The following PARD3 variants were observed in gnomAD, a reference collection of about 807,000 sequenced individuals.
PARD3 encodes partitioning defective 3 homolog.
In PARD3, 75 loss-of-function variants were observed where a neutral mutation model predicts 155.4. The ratio of observed to expected loss-of-function variants is 0.48; its 90% CI spans 0.40 to 0.58. PARD3 has a LOEUF of 0.58. PARD3 is among the 20% of genes least tolerant of loss of function. The pLI is 0.00. For synonymous variants in PARD3, 576 were observed against 610.5 expected (o/e 0.94, Z 0.83); for missense variants, 1,642 against 1,721.7 (o/e 0.95, Z 0.82).
chr10:34,154,692 G>C (rs938046231), intron 22 of PARD3, among the ~76,000 whole-genome samples: 3 of 151,994 alleles, frequency 2.0e-5, no homozygotes, highest in Admixed American at 2.0e-4. Context: ...CTCACGTTTC[G>C]AGAGAGAGAC....
chr10:34,552,081 G>A (rs1322846660), intron 2 of PARD3, among the ~76,000 whole-genome samples: 1 of 152,094 alleles, frequency 6.6e-6, no homozygotes, highest in Non-Finnish European at 1.5e-5. Flanking sequence ...TTCCCACTCA[G>A]TGCTTCAAAA....
At chr10:34,625,128 T>C (rs763049940) in intron 2 of PARD3, among the ~76,000 whole-genome samples, 11 of 152,216 alleles carry the variant, frequency 7.2e-5, no homozygotes, top group African/African-American at 2.4e-4. Context: ...CAAGGATCTA[T>C]AAGACAGAGT....
intron 15 of PARD3, chr10:34,343,245 G>T: frequency 1.3e-6 from 1 of 760,076 alleles, no homozygotes; most frequent in Non-Finnish European, 1.6e-6. Flanking sequence ...ATACTCACAC[G>T]GGCATAATTT....
At chr10:34,307,726 A>T (rs1206441967) in intron 20 of PARD3, among the ~76,000 whole-genome samples, 3 of 152,150 alleles carry the variant, frequency 2.0e-5, no homozygotes, top group Non-Finnish European at 4.4e-5. Context: ...AGAGGCAGAG[A>T]ATGGCCACTG....
intron 22 of PARD3, among the ~76,000 whole-genome samples, chr10:34,194,691 G>A (rs571144185): frequency 4.0e-4 from 61 of 151,238 alleles, no homozygotes; most frequent in African/African-American, 1.4e-3. Context: ...TGGATAATGG[G>A]GAGATGGACT....
chr10:34,751,057 T>A (rs1835970935), intron 1 of PARD3, among the ~76,000 whole-genome samples: 2 of 152,116 alleles, frequency 1.3e-5, no homozygotes, highest in Admixed American at 1.3e-4. Flanking sequence ...TAGAGATCAG[T>A]TCAGGTTTTG....
At chr10:34,215,181 G>A (rs1433453612) in intron 22 of PARD3, among the ~76,000 whole-genome samples, 1 of 152,294 alleles carries the variant, frequency 6.6e-6, no homozygotes, top group African/African-American at 2.4e-5. Context: ...AGAATGGTGT[G>A]AATGTTGCAA....
rs571015106 is a variant in PARD3, at chr10:34,812,155, A to T, written c.120+2721T>A. On this transcript the variant is annotated intron_variant, in intron 1 of 24. Coordinates refer to ENST00000374788, the MANE Select transcript of PARD3 (RefSeq NM_001184785.2). ...GTAATCTGAAGAGAAAACAGCTCACATGCAATGCCAGAAAATTAGCCCCAC... is the reference window on the plus strand; with the variant it reads ...GTAATCTGAAGAGAAAACAGCTCACTTGCAATGCCAGAAAATTAGCCCCAC... Among the ~76,000 whole-genome samples, 235 of 152,254 alleles carry T rather than the reference A, an allele frequency of 1.5e-3. 1 individual carries two copies. The highest frequency in any genetic ancestry group is 2.8e-3 in the Non-Finnish European group (190 of 68,044).
intron 15 of PARD3, 81 bp downstream of exon 15, chr10:34,347,881 CATT>C: frequency 1.0e-6 from 1 of 993,976 alleles, no homozygotes; most frequent in Non-Finnish European, 1.4e-6. Context: ...ACTAATAGTA[CATT>C]AATATTACAC....
intron 22 of PARD3, among the ~76,000 whole-genome samples, chr10:34,263,426 G>A (rs1955127828): frequency 6.6e-6 from 1 of 152,094 alleles, no homozygotes; most frequent in African/African-American, 2.4e-5. Flanking sequence ...GGAGGCTGAG[G>A]CAGGTGGATC....
At chr10:34,447,598 C>T (rs1457522088) in intron 5 of PARD3, among the ~76,000 whole-genome samples, 10 of 140,902 alleles carry the variant, frequency 7.1e-5, no homozygotes, top group Non-Finnish European at 1.5e-4. Flanking sequence ...GTCAATAGAT[C>T]AAGACCACCT....
chr10:34,222,268 A>C (rs778921571), intron 22 of PARD3, among the ~76,000 whole-genome samples: 3 of 152,152 alleles, frequency 2.0e-5, no homozygotes, highest in African/African-American at 4.8e-5. Flanking sequence ...AGCCCTCACA[A>C]AGTATGTATT....
chr10:34,749,685 T>C (rs1369251794), intron 1 of PARD3, among the ~76,000 whole-genome samples: 1 of 152,134 alleles, frequency 6.6e-6, no homozygotes, highest in Non-Finnish European at 1.5e-5. Context: ...ACTTCTTGGA[T>C]AGTCAGAAGT....
chr10:34,533,302 G>A (rs1333991678), intron 2 of PARD3, among the ~76,000 whole-genome samples: 6 of 151,802 alleles, frequency 4.0e-5, no homozygotes, highest in Admixed American at 1.3e-4. Context: ...AAGGACATGC[G>A]CTGAAGAACT....
At chr10:34,751,051 G>T (rs1369587693) in intron 1 of PARD3, among the ~76,000 whole-genome samples, 5 of 152,124 alleles carry the variant, frequency 3.3e-5, no homozygotes, top group African/African-American at 1.2e-4. Context: ...GAGGCATAGA[G>T]ATCAGTTCAG....
chr10:34,666,683 T>C (rs974616223), intron 2 of PARD3, among the ~76,000 whole-genome samples: 1 of 149,884 alleles, frequency 6.7e-6, no homozygotes, highest in Admixed American at 6.7e-5. Context: ...ACCTGAAGCC[T>C]TCAGTTTTCA....
intron 1 of PARD3, among the ~76,000 whole-genome samples, chr10:34,729,435 G>A (rs2094777244): frequency 6.6e-6 from 1 of 151,280 alleles, no homozygotes; most frequent in Admixed American, 6.6e-5. Flanking sequence ...GGAGGCTAAG[G>A]CAAGAGAACC....
intron 15 of PARD3, chr10:34,345,280 A>C (rs1467154587): frequency 1.9e-5 from 19 of 985,272 alleles, no homozygotes; most frequent in Non-Finnish European, 2.3e-5. Flanking sequence ...TGTATCTTTT[A>C]AAAGCCTTTC....
chr10:34,730,130 A>G (rs905635462), intron 1 of PARD3, among the ~76,000 whole-genome samples: 2 of 152,156 alleles, frequency 1.3e-5, no homozygotes, highest in African/African-American at 2.4e-5. Context: ...GCCAAAATAA[A>G]CCTGATACCA....
Sources: gnomAD v4.1 joint callset for allele counts (sites outside exome capture counted in the v4.1 genomes callset) on GRCh38, gnomAD v4.1.1 for gene constraint, MANE v1.5 for transcripts, NCBI Gene and HGNC (gene_info 2026-07-23, HGNC 2026-07-21) for gene names.